AGXT: variants seen among roughly 807,000 people sequenced by gnomAD.
AGXT encodes the protein L-alanine: glyoxylate aminotransferase 1.
A neutral mutation model predicts 46.9 loss-of-function variants in AGXT; 41 were observed. The observed-to-expected ratio is 0.88, with a 90% confidence interval of 0.68 to 1.14. The LOEUF is 1.14. AGXT is among the 50% of genes most tolerant of loss of function. The probability of loss-of-function intolerance (pLI) is 0.00; values close to 1 mark genes in which losing one functional copy is unlikely to be tolerated. For synonymous variants in AGXT, 244 were observed against 227.9 expected (o/e 1.07, Z -0.64); for missense variants, 525 against 522.7 (o/e 1.00, Z -0.04).
At chr2:240,870,168 G>C (rs139972494) in intron 2 of AGXT, among the ~76,000 whole-genome samples, 1 of 152,150 alleles carries the variant, frequency 6.6e-6, no homozygotes, top group Non-Finnish European at 1.5e-5. Flanking sequence ...AGACAGGGAG[G>C]GGGTGAGGGC....
Position 240,875,179 on chromosome 2 carries a change from T to C in AGXT, c.751T>C (p.Trp251Arg), listed in dbSNP as rs762757818. ...YLDIKWLANF[W>R]GCDDQPRMYH... ...GGACATCAAGTGGCTGGCCAACTTC[T>C]GGGGCTGTGACGACCAGCCCAGGAT... Residue 251 changes from tryptophan to arginine, a missense_variant, in exon 7 of 11, where the codon TGG becomes CGG. Coordinates refer to ENST00000307503, the MANE Select transcript of AGXT (RefSeq NM_000030.3). The C allele has an allele frequency of 6.2e-7, 1 of 1,613,834 alleles. No individual in the cohort carries two copies. The highest frequency in any genetic ancestry group is 8.5e-7 in the Non-Finnish European group (1 of 1,179,748).
intron 5 of AGXT, among the ~76,000 whole-genome samples, 162 bp from the exon 6 acceptor site, chr2:240,873,816 C>T (rs373068872): frequency 6.6e-6 from 1 of 152,156 alleles, no homozygotes; most frequent in Admixed American, 6.5e-5. Context: ...GCAGCAGTGC[C>T]CAGATTTGAA....
rs1478608379 is a variant in AGXT at position 240,877,651 on chromosome 2, T to C, written c.942+19T>C. On this transcript the variant is annotated intron_variant, in intron 9 of 10. Transcript: ENST00000307503. ...GGACCCGGTAAGGAGGCCCCTGGCATTGGGCAGCCCTGCACCCATGGGGAA... is the reference window on the plus strand; with the variant it reads ...GGACCCGGTAAGGAGGCCCCTGGCACTGGGCAGCCCTGCACCCATGGGGAA... The C allele has an allele frequency of 6.5e-7, 1 of 1,549,598 alleles. No homozygotes were observed. The highest frequency in any genetic ancestry group is 8.7e-7 in the Non-Finnish European group (1 of 1,146,430).
At chr2:240,870,971 G>T (rs1208914575) in intron 3 of AGXT, among the ~76,000 whole-genome samples, 1 of 152,152 alleles carries the variant, frequency 6.6e-6, no homozygotes, top group African/African-American at 2.4e-5. Flanking sequence ...GGCCAGAGAG[G>T]CTGGAGGCAG....
intron 8 of AGXT, 50 bp downstream of exon 8, chr2:240,876,054 T>C (rs1284591274): frequency 1.3e-6 from 2 of 1,595,494 alleles, no homozygotes; most frequent in Admixed American, 1.7e-5. Flanking sequence ...GGCTGGATTG[T>C]CGAGGGCGCG....
intron 10 of AGXT, 104 bp downstream of exon 10, chr2:240,878,254 GC>G: frequency 6.6e-7 from 1 of 1,521,904 alleles, no homozygotes; most frequent in Non-Finnish European, 8.9e-7. Context: ...TCATCCGAAA[GC>G]CCAGATTGCA....
At chr2:240,875,825 G>A in intron 7 of AGXT, 110 bp from the exon 8 acceptor site, 2 of 1,218,448 alleles carry the variant, frequency 1.6e-6, no homozygotes, top group Non-Finnish European at 2.4e-6. Flanking sequence ...GAGGATACCG[G>A]CCTGTGGTCA....
At chr2:240,878,534 C>A (rs2059040562) in intron 10 of AGXT, among the ~76,000 whole-genome samples, 180 bp from the exon 11 acceptor site, 1 of 152,206 alleles carries the variant, frequency 6.6e-6, no homozygotes, top group South Asian at 2.1e-4. Flanking sequence ...GGAGAGCCTG[C>A]CCTGGCCTGG....
At chr2:240,873,775 A>G (rs1277541201) in intron 5 of AGXT, among the ~76,000 whole-genome samples, 1 of 152,138 alleles carries the variant, frequency 6.6e-6, no homozygotes, top group Non-Finnish European at 1.5e-5. Context: ...AGCTGCGCTA[A>G]AACGCTCAGG....
intron 4 of AGXT, 96 bp downstream of exon 4, chr2:240,871,545 T>G (rs1575708598): frequency 3.6e-6 from 4 of 1,126,186 alleles, no homozygotes; most frequent in Non-Finnish European, 2.6e-6. Flanking sequence ...CTGCCCCTGG[T>G]CCCCACCCCA....
chr2:240,875,953 C>T lies in AGXT; in HGVS notation c.795C>T (p.Pro265=), dbSNP rs760015739. Residue 265 remains proline (P), a synonymous_variant, in exon 8 of 11, where the codon CCC becomes CCT. Coordinates refer to ENST00000307503, the MANE Select transcript of AGXT (RefSeq NM_000030.3). ...CTTCCAGGTACCATCACACAATCCC[C>T]GTCATCAGCCTGTACAGCCTGAGAG... The part of the protein sequence containing the change: ...DQPRMYHHTI[P]VISLYSLRES... 39 of 1,614,098 alleles carry T rather than the reference C, an allele frequency of 2.4e-5. No homozygotes were observed. The highest frequency in any genetic ancestry group is 1.6e-4 in the African/African-American group (12 of 74,946).
rs1253345464 is a variant in AGXT at position 240,878,773 on chromosome 2, G to A, written c.1131G>A (p.Thr377=). 14 of 1,594,782 alleles carry A rather than the reference G, an allele frequency of 8.8e-6. No homozygotes were observed. In the Middle Eastern group the frequency reaches 5.0e-4, roughly 57 times the overall value. The change falls in exon 11 of 11, where the codon ACG becomes ACA. Residue 377 remains threonine, a synonymous_variant. Coordinates refer to ENST00000307503, the MANE Select transcript of AGXT (RefSeq NM_000030.3). ...CCCGCGAGAATGTGGACCGCGTGAC[G>A]GAGGCCCTGAGGGCGGCCCTGCAGC... The part of the protein sequence containing the change: ...NATRENVDRV[T]EALRAALQHC...
chr2:240,873,379 A>C (rs1575709551), intron 5 of AGXT: 2 of 338,114 alleles, frequency 5.9e-6, no homozygotes, highest in South Asian at 3.7e-5. Context: ...GGCGTTGGGC[A>C]CCCCTCTGCC....
chr2:240,876,721 G>C (rs1003208869), intron 8 of AGXT, among the ~76,000 whole-genome samples: 1 of 152,246 alleles, frequency 6.6e-6, no homozygotes, highest in African/African-American at 2.4e-5. Flanking sequence ...CCACTGCCTA[G>C]GGCTGGGTTA....
chr2:240,873,971 T>A lies in AGXT; in HGVS notation c.596-7T>A. 6.2e-7 allele frequency: 1 copy of A among 1,613,422 alleles called. No homozygotes were observed. Among genetic ancestry groups the A allele is most frequent in the Non-Finnish European group, 8.5e-7 (1 of 1,179,896 alleles). Reference sequence around the variant, plus strand: ...TCACCCGTCCCGAGCAAACCACCCATCTACAGGCATCGACATCCTGTACTC... The same window carrying A: ...TCACCCGTCCCGAGCAAACCACCCAACTACAGGCATCGACATCCTGTACTC... On this transcript the variant is annotated splice_polypyrimidine_tract_variant and splice_region_variant and intron_variant, in intron 5 of 10. Transcript: ENST00000307503.
At chr2:240,871,241 C>T in intron 3 of AGXT, 108 bp from the exon 4 acceptor site, 1 of 932,988 alleles carries the variant, frequency 1.1e-6, no homozygotes, top group East Asian at 2.6e-5. Flanking sequence ...GGAGTAGAGG[C>T]AGGCCCAGCC....
rs575497900 is a variant in AGXT, at chr2:240,871,294, G to A, written c.424-55G>A. 12 of 1,461,522 alleles carry A rather than the reference G, an allele frequency of 8.2e-6. No homozygotes were observed. The South Asian group carries it at 1.3e-4, about 16-fold the overall frequency. 90.5% of individuals were successfully genotyped at this position (1,461,522 alleles called of 1,614,324 possible). On this transcript the variant is annotated intron_variant, in intron 3 of 10. Transcript: ENST00000307503. ...TGCCACCCATGGGGGGTTTGTGGGG[G>A]TGTTCTGGCCCCTGCCCCTCTGAGC...
At position 240,869,184 on chromosome 2, in the gene AGXT, C is replaced by T. The variant is rs983369223; in HGVS notation, c.180C>T (p.Ile60=). Residue 60 remains isoleucine (I), a synonymous_variant, in exon 2 of 11, where the codon ATC becomes ATT. Transcript: ENST00000307503. The part of the protein sequence containing the change: ...SKDMYQIMDE[I]KEGIQYVFQT... ...CCCGCATGCAGATCATGGACGAGATCAAGGAAGGCATCCAGTACGTGTTCC... is the reference window on the plus strand; with the variant it reads ...CCCGCATGCAGATCATGGACGAGATTAAGGAAGGCATCCAGTACGTGTTCC... The T allele has an allele frequency of 1.3e-6, 2 of 1,493,450 alleles. No individual in the cohort carries two copies. The highest frequency in any genetic ancestry group is 1.8e-6 in the Non-Finnish European group (2 of 1,099,858). The allele number at this position is 1,493,450 out of a possible 1,614,324, so 92.5% of individuals were successfully genotyped here. A position where few individuals can be genotyped will look rare whatever the true frequency, so the allele number is the denominator to read the frequency against.
chr2:240,869,423 C>A (rs2058979534), intron 2 of AGXT, 61 bp downstream of exon 2: 3 of 1,225,542 alleles, frequency 2.4e-6, no homozygotes, highest in Non-Finnish European at 3.4e-6. Context: ...TCCCTGGCCT[C>A]CCTCTGTTTG....
Sources: gnomAD v4.1 joint callset for allele counts (sites outside exome capture counted in the v4.1 genomes callset) on GRCh38, gnomAD v4.1.1 for gene constraint, MANE v1.5 for transcripts, NCBI Gene and HGNC (gene_info 2026-07-23, HGNC 2026-07-21) for gene names.